The following ZNF804B variants were observed in gnomAD, a reference collection of about 807,000 sequenced individuals.
ZNF804B encodes the protein zinc finger 804B.
A neutral mutation model predicts 101.4 loss-of-function variants in ZNF804B; 80 were observed. The observed-to-expected ratio is 0.79, with a 90% CI of 0.66 to 0.95. The LOEUF (loss-of-function observed/expected upper bound fraction) is 0.95. ZNF804B is among the 40% of genes least tolerant of loss of function. The probability of loss-of-function intolerance (pLI) is 0.00; values close to 1 mark genes in which losing one functional copy is unlikely to be tolerated. For missense variants in ZNF804B, 1,673 were observed against 1,561.9 expected (o/e 1.07, Z -1.20); for synonymous variants, 622 against 558.8 (o/e 1.11, Z -1.59).
intron 2 of ZNF804B, among the ~76,000 whole-genome samples, chr7:89,278,843 T>C (rs1397001344): frequency 6.6e-6 from 1 of 151,984 alleles, no homozygotes; most frequent in African/African-American, 2.4e-5. Flanking sequence ...GGCTCTTTTT[T>C]GGTTCCATAT....
chr7:89,273,941 C>G (rs1055563397), intron 2 of ZNF804B, among the ~76,000 whole-genome samples: 4 of 151,632 alleles, frequency 2.6e-5, no homozygotes, highest in African/African-American at 9.7e-5. Context: ...TTTTCTTTTT[C>G]TCAAGTCAGT....
At chr7:89,108,695 A>G (rs756911328) in intron 1 of ZNF804B, among the ~76,000 whole-genome samples, 54 of 152,128 alleles carry the variant, frequency 3.5e-4, no homozygotes, top group Non-Finnish European at 3.2e-4. Flanking sequence ...TTAGAGAAAC[A>G]TTTCTGTAGA....
At chr7:89,077,272 T>G (rs1270699265) in intron 1 of ZNF804B, among the ~76,000 whole-genome samples, 1 of 152,092 alleles carries the variant, frequency 6.6e-6, no homozygotes, top group Non-Finnish European at 1.5e-5. Flanking sequence ...GAATTCTAGA[T>G]TTTTGGCAGA....
At chr7:89,303,498 C>T (rs1382644800) in intron 2 of ZNF804B, among the ~76,000 whole-genome samples, 2 of 151,830 alleles carry the variant, frequency 1.3e-5, no homozygotes, top group Non-Finnish European at 2.9e-5. Flanking sequence ...CAGCTTGGAC[C>T]TCAAATAAAT....
chr7:88,891,981 C>A (rs1792221342), intron 1 of ZNF804B, among the ~76,000 whole-genome samples: 1 of 151,916 alleles, frequency 6.6e-6, no homozygotes, highest in African/African-American at 2.4e-5. Context: ...GTGTTTACCC[C>A]AAATATTTTC....
chr7:88,812,201 A>G (rs1382760118), intron 1 of ZNF804B, among the ~76,000 whole-genome samples: 2 of 152,182 alleles, frequency 1.3e-5, no homozygotes, highest in African/African-American at 2.4e-5. Flanking sequence ...TCCAAGGAAG[A>G]TTGTCCTTCA....
rs150292097 is a variant in ZNF804B at position 89,337,257 on chromosome 7, G to A, written c.*225G>A. ...CAAATTTGAATAATTTTATGAAAGC[G>A]TAGAGGGAAGAGGGAAAGAGTTAAA... is the stretch of plus-strand genomic sequence containing the variant. On this transcript the variant is annotated 3_prime_UTR_variant, in exon 4 of 4. Transcript: ENST00000333190. Among the ~76,000 whole-genome samples, 2,545 of 152,200 alleles carry A rather than the reference G, an allele frequency of 0.017. 61 individuals carry two copies. Among genetic ancestry groups the A allele is most frequent in the African/African-American group, 0.058 (2,422 of 41,538 alleles).
rs1265494023 is a variant in ZNF804B, at chr7:88,977,837, G to GT, written c.108+217759dup. On this transcript the variant is annotated intron_variant, in intron 1 of 3. Transcript: ENST00000333190. ...TGCATCATTAGGTTGTGTATTTAAAGTTTTTTCTTTTTTTTAATGTTTGCC... is the reference window on the plus strand; with the variant it reads ...TGCATCATTAGGTTGTGTATTTAAAGTTTTTTTCTTTTTTTTAATGTTTGCC... Among the ~76,000 whole-genome samples, 4 of 151,084 alleles carry GT rather than the reference G, an allele frequency of 2.6e-5. No homozygotes were observed. The East Asian group carries it at 5.9e-4, about 22-fold the overall frequency.
At chr7:89,032,166 C>T (rs11981555) in intron 1 of ZNF804B, among the ~76,000 whole-genome samples, 1 of 151,712 alleles carries the variant, frequency 6.6e-6, no homozygotes. Context: ...ATTTTCAGAA[C>T]GTTGATTTTT....
intron 1 of ZNF804B, among the ~76,000 whole-genome samples, chr7:88,845,281 ACGCGCGCGCGCACG>A (rs1041461426): frequency 3.1e-5 from 4 of 128,904 alleles, no homozygotes; most frequent in African/African-American, 1.4e-4. Flanking sequence ...ATGTGTGCGC[ACGCGCGCGCGCACG>A]CGCGCGCACA....
chr7:89,025,655 C>A (rs1159848692), intron 1 of ZNF804B, among the ~76,000 whole-genome samples: 2 of 152,086 alleles, frequency 1.3e-5, no homozygotes, highest in Non-Finnish European at 2.9e-5. Context: ...GCTAACAGTT[C>A]ATAAATAATT....
At chr7:89,122,707 A>C (rs908356328) in intron 1 of ZNF804B, among the ~76,000 whole-genome samples, 1 of 152,086 alleles carries the variant, frequency 6.6e-6, no homozygotes, top group African/African-American at 2.4e-5. Context: ...AAGTTGTTCT[A>C]CTTCCTCAGA....
At chr7:89,056,786 A>C (rs757774458) in intron 1 of ZNF804B, among the ~76,000 whole-genome samples, 3 of 152,130 alleles carry the variant, frequency 2.0e-5, no homozygotes, top group Non-Finnish European at 4.4e-5. Context: ...CTATAACAAG[A>C]ATAGGTTCAT....
intron 1 of ZNF804B, among the ~76,000 whole-genome samples, chr7:89,179,689 G>C (rs995658749): frequency 2.0e-5 from 3 of 152,184 alleles, no homozygotes; most frequent in African/African-American, 7.2e-5. Context: ...GGATGATCTT[G>C]ATGCTTGTGG....
intron 1 of ZNF804B, among the ~76,000 whole-genome samples, chr7:88,854,172 G>T (rs2115834981): frequency 6.6e-6 from 1 of 152,232 alleles, no homozygotes; most frequent in Non-Finnish European, 1.5e-5. Flanking sequence ...CCAGGAAAAT[G>T]TGTTAGACAC....
chr7:89,069,684 T>C (rs1035998443), intron 1 of ZNF804B, among the ~76,000 whole-genome samples: 1 of 152,186 alleles, frequency 6.6e-6, no homozygotes, highest in African/African-American at 2.4e-5. Flanking sequence ...CAGTATGGTC[T>C]ATATTTACAC....
chr7:89,127,814 C>G (rs1790495702), intron 1 of ZNF804B, among the ~76,000 whole-genome samples: 1 of 151,246 alleles, frequency 6.6e-6, no homozygotes, highest in South Asian at 2.1e-4. Flanking sequence ...TACTTTTGCA[C>G]CAACCTAATA....
intron 1 of ZNF804B, among the ~76,000 whole-genome samples, chr7:89,206,806 A>AACAGCC (rs1788721033): frequency 6.6e-6 from 1 of 151,988 alleles, no homozygotes; most frequent in African/African-American, 2.4e-5. Flanking sequence ...TTTTAACAGC[A>AACAGCC]CCCAAGTCAG....
chr7:88,947,856 T>A (rs1313832162), intron 1 of ZNF804B, among the ~76,000 whole-genome samples: 1 of 151,850 alleles, frequency 6.6e-6, no homozygotes, highest in Non-Finnish European at 1.5e-5. Context: ...ATAAGCAACT[T>A]AAGCATCTGT....
Sources: allele counts gnomAD v4.1 joint callset (sites outside exome capture counted in the v4.1 genomes callset), GRCh38; gene constraint gnomAD v4.1.1; transcripts MANE v1.5; gene names NCBI Gene and HGNC (gene_info 2026-07-23, HGNC 2026-07-21).